Variants in HPS6 observed in about 807,000 individuals in gnomAD.
The protein encoded by HPS6 is HPS6 biogenesis of lysosomal organelles complex 2 subunit 3.
In HPS6, 46 loss-of-function variants were observed where a neutral mutation model predicts 53.6. That is an observed-to-expected ratio of 0.86 (90% CI 0.68 to 1.10). The LOEUF is 1.10. Ranked by LOEUF, HPS6 falls within the 50% of genes least tolerant of loss-of-function variation. The pLI is 0.00. For synonymous variants in HPS6, 535 were observed against 470.8 expected, an observed-to-expected ratio of 1.14 and a Z score of -1.77; for missense variants, 1,034 against 991.3, an observed-to-expected ratio of 1.04 and a Z score of -0.58.
At position 102,067,421 on chromosome 10, in the gene HPS6, G is replaced by A; in HGVS notation, c.1947G>A (p.Trp649Ter). ...AVGQLVQKEQ[W>*]DRALDAGLAL... ...GGCAGCTGGTGCAAAAGGAACAATG[G>A]GATCGGGCTCTGGATGCTGGCCTGG... Residue 649 changes from tryptophan (W) to a stop codon, truncating the protein, a stop_gained, in exon 1 of 1, where the codon TGG becomes TGA. Transcript: ENST00000299238. LOFTEE classifies it high-confidence loss of function. 1.2e-6 allele frequency: 2 copies of A among 1,613,136 alleles called. No homozygotes were observed. Among genetic ancestry groups the A allele is most frequent in the Non-Finnish European group, 1.7e-6 (2 of 1,180,032 alleles).
rs755327752 is a variant in HPS6 at position 102,066,336 on chromosome 10, A to G, written c.862A>G (p.Thr288Ala). 6.2e-7 allele frequency: 1 copy of G among 1,613,944 alleles called. No homozygotes were observed. Among genetic ancestry groups the G allele is most frequent in the Admixed American group, 1.7e-5 (1 of 60,020 alleles). Residue 288 changes from threonine to alanine, a missense_variant, in exon 1 of 1, where the codon ACT becomes GCT. By Grantham distance (58) the Thr-to-Ala change is moderately conservative (BLOSUM62 0). Transcript: ENST00000299238. ...CCTGCTGTTGCTTGACTTCGGGGGC[A>G]CTGTGAGCCTATTGCAGTCCCACGG... is the stretch of plus-strand genomic sequence containing the variant. ...QGLLLLDFGG[T>A]VSLLQSHGGT...
Position 102,066,004 on chromosome 10 carries a change from G to T in HPS6, c.530G>T (p.Ser177Ile), listed in dbSNP as rs373522289. The change falls in exon 1 of 1, where the codon AGC becomes ATC. Residue 177 changes from serine (S) to isoleucine (I), a missense_variant. Coordinates refer to ENST00000299238, the MANE Select transcript of HPS6 (RefSeq NM_024747.6). ...TLEPSGEAST[S>I]LGRTHVLLHH... is the part of the protein sequence containing the mutation. ...GAGCCCAGCGGGGAAGCTAGCACCA[G>T]CCTGGGCCGCACACACGTCCTGCTG... The T allele has an allele frequency of 1.9e-5, 30 of 1,603,100 alleles. No homozygotes were observed. Among genetic ancestry groups the T allele is most frequent in the Non-Finnish European group, 2.5e-5 (29 of 1,179,878 alleles).
chr10:102,067,415 A>G lies in HPS6; in HGVS notation c.1941A>G (p.Glu647=). 3 of 1,613,158 alleles carry G rather than the reference A, an allele frequency of 1.9e-6. No individual in the cohort carries two copies. Among genetic ancestry groups the G allele is most frequent in the East Asian group, 2.2e-5 (1 of 44,878 alleles). ...CTGTCGGGCAGCTGGTGCAAAAGGA[A>G]CAATGGGATCGGGCTCTGGATGCTG... ...LQAVGQLVQK[E]QWDRALDAGL... The change falls in exon 1 of 1, where the codon GAA becomes GAG. Residue 647 remains glutamate, a synonymous_variant. Transcript: ENST00000299238.
chr10:102,067,499 G>A lies in HPS6; in HGVS notation c.2025G>A (p.Leu675=), dbSNP rs750160370. 1.2e-6 allele frequency: 2 copies of A among 1,613,772 alleles called. No homozygotes were observed. Among genetic ancestry groups the A allele is most frequent in the South Asian group, 2.2e-5 (2 of 91,084 alleles). The part of the protein sequence containing the change: ...LLRSEIFKLL[L]AEFAQHRRLD... ...GAAGTGAAATCTTCAAACTGCTGCT[G>A]GCCGAGTTTGCCCAGCACCGCCGGC... The change falls in exon 1 of 1, where the codon CTG becomes CTA. Residue 675 remains leucine (L), a synonymous_variant. Coordinates refer to ENST00000299238, the MANE Select transcript of HPS6 (RefSeq NM_024747.6).
rs2067981666 is a variant in HPS6 at position 102,067,593 on chromosome 10, C to T, written c.2119C>T (p.Leu707=). The T allele has an allele frequency of 1.2e-6, 2 of 1,613,864 alleles. No individual in the cohort carries two copies. The highest frequency in any genetic ancestry group is 1.7e-6 in the Non-Finnish European group (2 of 1,180,034). ...ACTGGCTCCAGCTGAGCTCCTGCTT[C>T]TACTGAGGACATACCTCCCAGATGA... is the stretch of plus-strand genomic sequence containing the variant. ...PELAPAELLL[L]LRTYLPDEVG... Residue 707 remains leucine (L), a synonymous_variant, in exon 1 of 1, where the codon CTA becomes TTA. Coordinates refer to ENST00000299238, the MANE Select transcript of HPS6 (RefSeq NM_024747.6).
In HPS6 at chr10:102,066,834, A is replaced by C. The variant is rs769401035; in HGVS notation, c.1360A>C (p.Met454Leu). The change falls in exon 1 of 1, where the codon ATG becomes CTG. Residue 454 changes from methionine to leucine, a missense_variant. Met to Leu is a conservative substitution (Grantham distance 15). Coordinates refer to ENST00000299238, the MANE Select transcript of HPS6 (RefSeq NM_024747.6). The stretch of plus-strand genomic sequence containing the variant: ...CCTGCCCCCATCTGCACTGCTGACC[A>C]TGTTGAGGACCGAGCTTCGGGATTA... ...GHLPPSALLT[M>L]LRTELRDYRG... 4 of 1,614,178 alleles carry C rather than the reference A, an allele frequency of 2.5e-6. No homozygotes were observed. In the South Asian group the frequency reaches 3.3e-5, roughly 13 times the overall value.
rs2067978242 is a variant in HPS6, at chr10:102,067,216, C to A, written c.1742C>A (p.Pro581Gln). 1 of 1,612,982 alleles carries A rather than the reference C, an allele frequency of 6.2e-7. No individual in the cohort carries two copies. The highest frequency in any genetic ancestry group is 1.3e-5 in the African/African-American group (1 of 74,932). Residue 581 changes from proline (P) to glutamine (Q), a missense_variant, in exon 1 of 1, where the codon CCA becomes CAA. Transcript: ENST00000299238. ...TGCCAGCTGGAGCCTCGATGGCTGC[C>A]ACCCTTTGTGGAGCTGGCACAGCAG... ...CLCQLEPRWLPPFVELAQQQG... is the reference protein window; with the variant it reads ...CLCQLEPRWLQPFVELAQQQG...
Position 102,067,673 on chromosome 10 carries a change from G to T in HPS6, c.2199G>T (p.Val733=). The part of the protein sequence containing the change: ...PEPGAEPPLT[V]GLLKALLEQT... The stretch of plus-strand genomic sequence containing the variant: ...CTGGAGCAGAGCCCCCTCTCACTGT[G>T]GGCTTGCTCAAAGCCCTGCTGGAGC... Residue 733 remains valine, a synonymous_variant, in exon 1 of 1, where the codon GTG becomes GTT. Coordinates refer to ENST00000299238, the MANE Select transcript of HPS6 (RefSeq NM_024747.6). 6.2e-7 allele frequency: 1 copy of T among 1,613,940 alleles called. No individual in the cohort carries two copies. Among genetic ancestry groups the T allele is most frequent in the Non-Finnish European group, 8.5e-7 (1 of 1,180,046 alleles).
At position 102,065,713 on chromosome 10, in the gene HPS6, A is replaced by C; in HGVS notation, c.239A>C (p.Asp80Ala). Residue 80 changes from aspartate (D) to alanine (A), a missense_variant, in exon 1 of 1, where the codon GAC becomes GCC. Transcript: ENST00000299238. ...AWPAGQPSPL[D>A]AFFLPWPARP... ...CCGGCCGGCCAGCCCTCCCCGCTGG[A>C]CGCCTTCTTCCTGCCGTGGCCAGCG... is the stretch of plus-strand genomic sequence containing the variant. 1 of 1,507,124 alleles carries C rather than the reference A, an allele frequency of 6.6e-7. No individual in the cohort carries two copies. The highest frequency in any genetic ancestry group is 2.7e-5 in the East Asian group (1 of 37,376). 93.4% of individuals were successfully genotyped at this position (1,507,124 alleles called of 1,614,324 possible).
chr10:102,066,175 GTC>G lies in HPS6; in HGVS notation c.706_707del (p.Ser236LeufsTer3), dbSNP rs756471925. The G allele has an allele frequency of 2.4e-5, 38 of 1,613,788 alleles. No homozygotes were observed. Among genetic ancestry groups the G allele is most frequent in the Non-Finnish European group, 3.2e-5 (38 of 1,180,042 alleles). ...GTGATGGTGGCTGCCCCACGGCTTGGTCTCTCCTACAGTAAGAGTCTGAATCC... is the reference window on the plus strand; with the variant it reads ...GTGATGGTGGCTGCCCCACGGCTTGGTCTCCTACAGTAAGAGTCTGAATCC... On this transcript the variant is annotated frameshift_variant, in exon 1 of 1. Transcript: ENST00000299238. LOFTEE classifies it high-confidence loss of function.
At position 102,065,437 on chromosome 10, in the gene HPS6, C is replaced by T. The variant is rs760576087; in HGVS notation, c.-38C>T. ...GCCTCGCCCTGCTGGGCGGCTGGACCTGGGCAAAGCCTGGGCGCGCTCCCG... is the reference window on the plus strand; with the variant it reads ...GCCTCGCCCTGCTGGGCGGCTGGACTTGGGCAAAGCCTGGGCGCGCTCCCG... On this transcript the variant is annotated 5_prime_UTR_variant, in exon 1 of 1. Coordinates refer to ENST00000299238, the MANE Select transcript of HPS6 (RefSeq NM_024747.6). 6 of 1,531,214 alleles carry T rather than the reference C, an allele frequency of 3.9e-6. No individual in the cohort carries two copies. In the African/African-American group the frequency reaches 8.6e-5, roughly 22 times the overall value. The allele number at this position is 1,531,214 out of a possible 1,614,324, so 94.9% of individuals were successfully genotyped here. A position where few individuals can be genotyped will look rare whatever the true frequency, so the allele number is the denominator to read the frequency against.
chr10:102,066,119 T>C lies in HPS6; in HGVS notation c.645T>C (p.Val215=), dbSNP rs1590262994. Residue 215 remains valine, a synonymous_variant, in exon 1 of 1, where the codon GTT becomes GTC. Transcript: ENST00000299238. ...TATTWPGVAH[V]LLIWSPGKGK... is the part of the protein sequence containing the mutation. ...CCACCTGGCCTGGCGTGGCCCACGT[T>C]CTACTCATCTGGAGCCCAGGCAAGG... 1 of 1,613,696 alleles carries C rather than the reference T, an allele frequency of 6.2e-7. No individual in the cohort carries two copies. Among genetic ancestry groups the C allele is most frequent in the Non-Finnish European group, 8.5e-7 (1 of 1,180,036 alleles).
At position 102,065,797 on chromosome 10, in the gene HPS6, TG is replaced by T. The variant is rs1319283633; in HGVS notation, c.327del (p.Pro110LeufsTer117). On this transcript the variant is annotated frameshift_variant, in exon 1 of 1. Coordinates refer to ENST00000299238, the MANE Select transcript of HPS6 (RefSeq NM_024747.6). LOFTEE classifies it high-confidence loss of function. Reference sequence around the variant, plus strand: ...CTGGCCGAGGTGTGGGGCGCGGGCGTGGGGCCTGGCTGGCGGCCGCTGCAGA... The same window carrying T: ...CTGGCCGAGGTGTGGGGCGCGGGCGTGGGCCTGGCTGGCGGCCGCTGCAGA... Reference protein sequence around the residue: ...SGLAEVWGAGVGPGWRPLQST... With the variant: ...SGLAEVWGAGXGPGWRPLQST... 1 of 1,488,644 alleles carries T rather than the reference TG, an allele frequency of 6.7e-7. No individual in the cohort carries two copies. Among genetic ancestry groups the T allele is most frequent in the African/African-American group, 1.5e-5 (1 of 68,290 alleles). The allele number at this position is 1,488,644 out of a possible 1,614,324, so 92.2% of individuals were successfully genotyped here. A position where few individuals can be genotyped will look rare whatever the true frequency, so the allele number is the denominator to read the frequency against.
chr10:102,066,665 T>A lies in HPS6; in HGVS notation c.1191T>A (p.Pro397=). The change falls in exon 1 of 1, where the codon CCT becomes CCA. Residue 397 remains proline, a synonymous_variant. Coordinates refer to ENST00000299238, the MANE Select transcript of HPS6 (RefSeq NM_024747.6). The part of the protein sequence containing the change: ...GWEAPQGVEL[P]SAKDLVFEEA... The stretch of plus-strand genomic sequence containing the variant: ...AAGCCCCACAGGGTGTTGAGTTGCC[T>A]TCAGCCAAGGATCTGGTGTTTGAGG... 6.2e-7 allele frequency: 1 copy of A among 1,613,912 alleles called. No homozygotes were observed. Among genetic ancestry groups the A allele is most frequent in the Non-Finnish European group, 8.5e-7 (1 of 1,180,030 alleles).
chr10:102,066,582 G>C lies in HPS6; in HGVS notation c.1108G>C (p.Glu370Gln). 1 of 1,614,146 alleles carries C rather than the reference G, an allele frequency of 6.2e-7. No homozygotes were observed. Among genetic ancestry groups the C allele is most frequent in the South Asian group, 1.1e-5 (1 of 91,090 alleles). Residue 370 changes from glutamate to glutamine, a missense_variant, in exon 1 of 1, where the codon GAG becomes CAG. Glu to Gln is a conservative substitution (Grantham distance 29). Coordinates refer to ENST00000299238, the MANE Select transcript of HPS6 (RefSeq NM_024747.6). Reference sequence around the variant, plus strand: ...CGGCATGGAGGATGAGGAAGAGCTGGAGACCCGAGGGAATCTTCGTCTGCT... The same window carrying C: ...CGGCATGGAGGATGAGGAAGAGCTGCAGACCCGAGGGAATCTTCGTCTGCT... ...APGMEDEEEL[E>Q]TRGNLRLLSA...
Position 102,066,490 on chromosome 10 carries a change from G to A in HPS6, c.1016G>A (p.Ser339Asn). 6.2e-7 allele frequency: 1 copy of A among 1,614,242 alleles called. No individual in the cohort carries two copies. The highest frequency in any genetic ancestry group is 8.5e-7 in the Non-Finnish European group (1 of 1,180,044). ...ACATTGGAACTGCTGGACATGGGCA[G>A]TGGGCAGCTGCTGGAGAGGAAGGTC... ...GSTLELLDMGSGQLLERKVLS... is the reference protein window; with the variant it reads ...GSTLELLDMGNGQLLERKVLS... Residue 339 changes from serine (S) to asparagine (N), a missense_variant, in exon 1 of 1, where the codon AGT becomes AAT. Transcript: ENST00000299238.
Position 102,066,756 on chromosome 10 carries a change from C to G in HPS6, c.1282C>G (p.His428Asp). The G allele has an allele frequency of 3.1e-6, 5 of 1,614,160 alleles. No individual in the cohort carries two copies. The highest frequency in any genetic ancestry group is 4.2e-6 in the Non-Finnish European group (5 of 1,180,042). ...GAQLTPEELR[H>D]SSTFRAPQAL... ...CCAGCTCACTCCAGAAGAACTGAGA[C>G]ACAGCAGCACATTCCGGGCACCTCA... The change falls in exon 1 of 1, where the codon CAC becomes GAC. Residue 428 changes from histidine to aspartate, a missense_variant. By Grantham distance (81) the His-to-Asp change is moderately conservative. Coordinates refer to ENST00000299238, the MANE Select transcript of HPS6 (RefSeq NM_024747.6).
In HPS6 at chr10:102,066,539, G is replaced by A; in HGVS notation, c.1065G>A (p.Leu355=). The A allele has an allele frequency of 5.0e-6, 8 of 1,614,162 alleles. No individual in the cohort carries two copies. The highest frequency in any genetic ancestry group is 6.8e-6 in the Non-Finnish European group (8 of 1,180,036). The change falls in exon 1 of 1, where the codon CTG becomes CTA. Residue 355 remains leucine, a synonymous_variant. Transcript: ENST00000299238. The part of the protein sequence containing the change: ...RKVLSTDRVH[L]LEPPAPGMED... ...TCCTAAGTACAGACAGGGTACATCT[G>A]CTAGAACCGCCAGCCCCCGGCATGG...
rs534368624 is a variant in HPS6 at position 102,067,142 on chromosome 10, A to G, written c.1668A>G (p.Glu556=). ...KVLGGITAGK[E]PPNGILPPFE... is the part of the protein sequence containing the mutation. The stretch of plus-strand genomic sequence containing the variant: ...TAGGGGGAATAACCGCTGGAAAGGA[A>G]CCCCCCAATGGAATACTGCCCCCCT... The change falls in exon 1 of 1, where the codon GAA becomes GAG. Residue 556 remains glutamate (E), a synonymous_variant. Transcript: ENST00000299238. 3.1e-6 allele frequency: 5 copies of G among 1,613,352 alleles called. No homozygotes were observed. The South Asian group carries it at 3.3e-5, about 11-fold the overall frequency.
Sources: allele counts gnomAD v4.1 joint callset, GRCh38; gene constraint gnomAD v4.1.1; transcripts MANE v1.5; gene names NCBI Gene and HGNC (gene_info 2026-07-23, HGNC 2026-07-21).